The following ABCA2 variants were observed in gnomAD, a reference collection of about 807,000 sequenced individuals.
ABCA2 encodes the protein ATP-binding cassette sub-family A member 2.
ABCA2 carries 84 observed loss-of-function variants against 262.8 expected under a neutral mutation model. The observed-to-expected ratio is 0.32, with a 90% CI of 0.27 to 0.38. The LOEUF (loss-of-function observed/expected upper bound fraction) is 0.38, where lower values mean the gene tolerates loss of function less well. Among genes scored for constraint, ABCA2 ranks in the 10% least tolerant of loss-of-function variants. The pLI is 1.00. For missense variants in ABCA2, 2,662 were observed against 3,405.9 expected, an observed-to-expected ratio of 0.78 and a Z score of 5.44; for synonymous variants, 1,696 against 1,502.9, an observed-to-expected ratio of 1.13 and a Z score of -2.97.
At chr9:137,009,132 C>A in intron 45 of ABCA2, 79 bp from the exon 46 acceptor site, 1 of 1,396,430 alleles carries the variant, frequency 7.2e-7, no homozygotes, top group Non-Finnish European at 9.8e-7. Context: ...AGCCCTACAG[C>A]CCCCACAGGC....
Position 137,013,925 on chromosome 9 carries a change from G to A in ABCA2, c.4354C>T (p.Arg1452Cys), listed in dbSNP as rs762265338. ...GAGAAGAGTGCCTTGGAGTTGCGGC[G>A]GGCGCAGTGGAAGCGTTTGACCAGC... Reference protein sequence around the residue: ...GLLVKRFHCARRNSKALFSQI... With the variant: ...GLLVKRFHCACRNSKALFSQI... Residue 1452 changes from arginine to cysteine, a missense_variant, in exon 28 of 49, where the codon CGC becomes TGC. Around this residue, in one of 12 missense-constraint regions of ABCA2, gnomAD observed 75 missense variants for 118.3 expected, o/e 0.63. Coordinates refer to ENST00000341511, the MANE Select transcript of ABCA2 (RefSeq NM_001606.5). 5 of 1,609,638 alleles carry A rather than the reference G, an allele frequency of 3.1e-6. No individual in the cohort carries two copies. The highest frequency in any genetic ancestry group is 3.4e-6 in the Non-Finnish European group (4 of 1,178,588).
Position 137,012,869 on chromosome 9 carries a change from T to A in ABCA2, c.4924A>T (p.Thr1642Ser). ...AAGCCGGTGCCCTGCGCAGAGCAGG[T>A]GCAGCGGACGGGCTCCCGTACCAGG... ...PRLVREPVRC[T>S]CSAQGTGFSC... Residue 1642 changes from threonine (T) to serine (S), a missense_variant, in exon 31 of 49, where the codon ACC becomes TCC. Thr to Ser is a moderately conservative substitution (Grantham distance 58, BLOSUM62 1). Coordinates refer to ENST00000341511, the MANE Select transcript of ABCA2 (RefSeq NM_001606.5). The A allele has an allele frequency of 6.3e-7, 1 of 1,592,484 alleles. No homozygotes were observed. The highest frequency in any genetic ancestry group is 8.6e-7 in the Non-Finnish European group (1 of 1,168,006).
At chr9:137,025,093 C>T (rs1383623593) in intron 1 of ABCA2, among the ~76,000 whole-genome samples, 1 of 152,250 alleles carries the variant, frequency 6.6e-6, no homozygotes, top group Non-Finnish European at 1.5e-5. Flanking sequence ...TCTTTCTGCC[C>T]TGTCCCCTCT....
chr9:137,023,425 G>T (rs1831547231), intron 3 of ABCA2: 1 of 710,898 alleles, frequency 1.4e-6, no homozygotes, highest in African/African-American at 1.7e-5. Flanking sequence ...CCTCTGGGCA[G>T]TGACCTCTGA....
intron 40 of ABCA2, 23 bp downstream of exon 40, chr9:137,010,597 C>CCCCCCAAAA: frequency 6.6e-7 from 1 of 1,506,094 alleles, no homozygotes; most frequent in Non-Finnish European, 9.2e-7. Flanking sequence ...ACCCAGGCCC[C>CCCCCCAAAA]ACCCTACATG....
chr9:137,024,231 G>A lies in ABCA2; in HGVS notation c.72C>T (p.Val24=). The change falls in exon 2 of 49, where the codon GTC becomes GTT. Residue 24 remains valine, a synonymous_variant. Transcript: ENST00000341511. The part of the protein sequence containing the change: ...NVTLKRRSPW[V]LAFEIFIPLV... ...GGGGGATGAAGATCTCGAAGGCCAGGACCCACTGGAAAGGGTGGGCCCAGT... is the reference window on the plus strand; with the variant it reads ...GGGGGATGAAGATCTCGAAGGCCAGAACCCACTGGAAAGGGTGGGCCCAGT... The A allele has an allele frequency of 3.7e-6, 6 of 1,609,726 alleles. No individual in the cohort carries two copies. The highest frequency in any genetic ancestry group is 2.2e-5 in the East Asian group (1 of 44,776).
rs912982454 is a variant in ABCA2, at chr9:137,021,684, C to A, written c.679-74G>T. The A allele has an allele frequency of 2.0e-5, 29 of 1,455,630 alleles. No homozygotes were observed. The African/African-American group carries it at 4.1e-4, about 20-fold the overall frequency. 90.2% of individuals were successfully genotyped at this position (1,455,630 alleles called of 1,614,324 possible). ...CAACCACTAGGGCCTCAGGCCTCAC[C>A]CTGCCCCACCCACTGGCTGGCTCTG... On this transcript the variant is annotated intron_variant, in intron 7 of 48. Transcript: ENST00000341511. This position sits in a 1 kb window ranked among gnomAD's most constrained non-coding sequence, Gnocchi z 6.0.
Position 137,013,323 on chromosome 9 carries a change from G to A in ABCA2, c.4551-5C>T, listed in dbSNP as rs749756678. The A allele has an allele frequency of 3.1e-5, 48 of 1,541,018 alleles. No homozygotes were observed. The highest frequency in any genetic ancestry group is 2.9e-4 in the African/African-American group (21 of 73,486). ...GCGTCGGGCGATAGCCGCAGCCTGC[G>A]GGCACCGACAGTGTGAGGTGGGGCT... On this transcript the variant is annotated splice_polypyrimidine_tract_variant and splice_region_variant and intron_variant, in intron 29 of 48. Transcript: ENST00000341511.
chr9:137,012,962 C>T (rs371895024), intron 30 of ABCA2, 37 bp from the exon 31 acceptor site: 25 of 1,481,232 alleles, frequency 1.7e-5, no homozygotes, highest in African/African-American at 2.8e-5. Flanking sequence ...AAGGACCCCT[C>T]ACTGCCCCTG....
chr9:137,016,172 G>A lies in ABCA2; in HGVS notation c.3107C>T (p.Ser1036Phe). Residue 1036 changes from serine to phenylalanine, a missense_variant and splice_region_variant, in exon 22 of 49, where the codon TCC becomes TTC. By Grantham distance (155) the Ser-to-Phe change is radical. Transcript: ENST00000341511. ...TGGAGGGAACAGGCCGGTCAGGATG[G>A]ACCTGGGTAGGTGGGCGGGGTCATG... is the stretch of plus-strand genomic sequence containing the variant. ...HNGAGKTTTM[S>F]ILTGLFPPTS... The A allele has an allele frequency of 6.2e-7, 1 of 1,612,638 alleles. No individual in the cohort carries two copies. The highest frequency in any genetic ancestry group is 8.5e-7 in the Non-Finnish European group (1 of 1,179,888).
At position 137,020,804 on chromosome 9, in the gene ABCA2, C is replaced by T; in HGVS notation, c.1155G>A (p.Glu385=). Residue 385 remains glutamate, a synonymous_variant, in exon 9 of 49, where the codon GAG becomes GAA. Coordinates refer to ENST00000341511, the MANE Select transcript of ABCA2 (RefSeq NM_001606.5). ...CCAGTGCTGCAGCAGAGGGTGCGCC[C>T]TCCTCAGCGGTGGCGTTGGGGCCCA... ...AVMGPNATAE[E]GAPSAAALAT... 6.3e-7 allele frequency: 1 copy of T among 1,578,754 alleles called. No individual in the cohort carries two copies. Among genetic ancestry groups the T allele is most frequent in the African/African-American group, 1.3e-5 (1 of 74,228 alleles).
At position 137,016,690 on chromosome 9, in the gene ABCA2, T is replaced by A. The variant is rs368677938; in HGVS notation, c.2807A>T (p.Tyr936Phe). ...RPWYFPLQKS[Y>F]WLGSGRTEAW... ...TTCTGTCCGCCCACTGCCCAGCCAG[T>A]AGGACTTCTGCAGTGGGAAGTACCA... Residue 936 changes from tyrosine to phenylalanine, a missense_variant, in exon 20 of 49, where the codon TAC becomes TTC. This residue lies in a region of ABCA2 where 133 missense variants were observed against 150.8 expected (regional missense o/e 0.88). Transcript: ENST00000341511. The A allele has an allele frequency of 6.3e-7, 1 of 1,590,408 alleles. No individual in the cohort carries two copies. Among genetic ancestry groups the A allele is most frequent in the Non-Finnish European group, 8.6e-7 (1 of 1,168,684 alleles).
chr9:137,017,621 C>T lies in ABCA2; in HGVS notation c.2283G>A (p.Leu761=). The part of the protein sequence containing the change: ...VAWFITGFVQ[L]SISVTALTAI... ...CGGTGAGTGCTGTCACGGAGATGGA[C>T]AGCTGCACAAAGCCGGTGATGAACC... Residue 761 remains leucine, a synonymous_variant, in exon 17 of 49, where the codon CTG becomes CTA. Transcript: ENST00000341511. 4 of 1,612,772 alleles carry T rather than the reference C, an allele frequency of 2.5e-6. No individual in the cohort carries two copies. Among genetic ancestry groups the T allele is most frequent in the Non-Finnish European group, 3.4e-6 (4 of 1,179,932 alleles).
Position 137,016,776 on chromosome 9 carries a change from C to T in ABCA2, c.2759-38G>A, listed in dbSNP as rs1831273768. The T allele has an allele frequency of 1.9e-6, 3 of 1,541,744 alleles. No individual in the cohort carries two copies. In the South Asian group the frequency reaches 3.7e-5, roughly 19 times the overall value. ...GAGGGGAGGGGAGGCTGACCTAGGG[C>T]CTGGGGTGACCATCCACCACGTGGG... On this transcript the variant is annotated intron_variant, in intron 19 of 48. Transcript: ENST00000341511.
Position 137,021,394 on chromosome 9 carries a change from G to T in ABCA2, c.895C>A (p.Gln299Lys). The change falls in exon 8 of 49, where the codon CAG becomes AAG. Residue 299 changes from glutamine (Q) to lysine (K), a missense_variant and splice_region_variant. This residue lies in a region of ABCA2 where 403 missense variants were observed against 375.9 expected (regional missense o/e 1.07). Coordinates refer to ENST00000341511, the MANE Select transcript of ABCA2 (RefSeq NM_001606.5). The surrounding 1 kb of genome is among the most constrained non-coding windows in gnomAD (Gnocchi z 6.0). ...GCAGTGGGCAGGCAGGGCCTCACCT[G>T]CTGGGAGACCTTGGCCACGTCCAGC... Reference protein sequence around the residue: ...NQLDVAKVSQQLGLDAPNGSD... With the variant: ...NQLDVAKVSQKLGLDAPNGSD... The T allele has an allele frequency of 6.2e-7, 1 of 1,606,238 alleles. No individual in the cohort carries two copies. Among genetic ancestry groups the T allele is most frequent in the Non-Finnish European group, 8.5e-7 (1 of 1,179,702 alleles).
intron 3 of ABCA2, chr9:137,023,354 C>A: frequency 1.5e-6 from 1 of 688,508 alleles, no homozygotes; most frequent in Non-Finnish European, 2.7e-6. Flanking sequence ...CTGGCACTCT[C>A]CCCCCGAAAA....
At chr9:137,013,360 C>A in intron 29 of ABCA2, 42 bp from the exon 30 acceptor site, 2 of 1,528,088 alleles carry the variant, frequency 1.3e-6, no homozygotes, top group Non-Finnish European at 1.8e-6. Context: ...CCAGTCTCCG[C>A]CCCTCGCCAG....
At chr9:137,008,276 C>T (rs912845488) in intron 48 of ABCA2, 140 bp downstream of exon 48, 61 of 998,786 alleles carry the variant, frequency 6.1e-5, no homozygotes, top group Non-Finnish European at 7.5e-5. Flanking sequence ...AAGTGTCCCT[C>T]GCCCACTCTG....
At chr9:137,013,612 C>A in intron 28 of ABCA2, 49 bp from the exon 29 acceptor site, 1 of 1,540,816 alleles carries the variant, frequency 6.5e-7, no homozygotes, top group Non-Finnish European at 8.8e-7. Flanking sequence ...CTCTGGCCAG[C>A]GGCCCCCAAG....
Sources: gnomAD v4.1 joint callset for allele counts (sites outside exome capture counted in the v4.1 genomes callset) on GRCh38, gnomAD v4.1.1 for gene constraint, gnomAD v4.1.1 regional missense constraint, Gnocchi (gnomAD v3.1) non-coding constraint, MANE v1.5 for transcripts, NCBI Gene and HGNC (gene_info 2026-07-23, HGNC 2026-07-21) for gene names.